CALN1: variants seen among roughly 807,000 people sequenced by gnomAD.
CALN1 encodes the protein calneuron 1.
CALN1 carries 17 observed loss-of-function variants against 30.6 expected under a neutral mutation model. The observed-to-expected ratio is 0.56, with a 90% CI of 0.38 to 0.83. The LOEUF (loss-of-function observed/expected upper bound fraction) is 0.83. Among genes scored for constraint, CALN1 ranks in the 40% least tolerant of loss-of-function variants. The pLI, the probability that CALN1 is intolerant of heterozygous loss-of-function variation, is 0.00. For synonymous variants in CALN1, 156 were observed against 131.4 expected, an observed-to-expected ratio of 1.19 and a Z score of -1.28; for missense variants, 291 against 354.9, an observed-to-expected ratio of 0.82 and a Z score of 1.45.
At chr7:72,163,401 A>AAAC (rs1323715612) in intron 3 of CALN1, among the ~76,000 whole-genome samples, 3 of 151,418 alleles carry the variant, frequency 2.0e-5, no homozygotes, top group Non-Finnish European at 4.4e-5. Flanking sequence ...TTAAAAAAAA[A>AAAC]AAAAAAAAAC....
intron 4 of CALN1, among the ~76,000 whole-genome samples, chr7:72,104,409 T>A (rs1009249509): frequency 6.6e-6 from 1 of 152,116 alleles, no homozygotes; most frequent in African/African-American, 2.4e-5. Context: ...CAACTTTTAT[T>A]TTAAGTTCTG....
chr7:71,987,471 A>C (rs1798734450), intron 5 of CALN1, among the ~76,000 whole-genome samples: 1 of 152,228 alleles, frequency 6.6e-6, no homozygotes, highest in Non-Finnish European at 1.5e-5. Context: ...CATTAGCTTC[A>C]GGGAGGAGAG....
intron 3 of CALN1, among the ~76,000 whole-genome samples, chr7:72,125,841 G>A (rs1178602309): frequency 2.3e-5 from 3 of 129,402 alleles, no homozygotes; most frequent in South Asian, 2.3e-4. Context: ...TTGCCCTGTC[G>A]CCCAGGCTAG....
chr7:72,068,801 T>A (rs1804199341), intron 4 of CALN1, among the ~76,000 whole-genome samples: 1 of 152,312 alleles, frequency 6.6e-6, no homozygotes, highest in South Asian at 2.1e-4. Context: ...GGGCCTCATT[T>A]TGCATATTTT....
intron 2 of CALN1, among the ~76,000 whole-genome samples, chr7:72,308,796 A>C (rs1799841233): frequency 6.6e-6 from 1 of 152,162 alleles, no homozygotes; most frequent in African/African-American, 2.4e-5. Flanking sequence ...CAGAACAATA[A>C]AAACTTGGGT....
chr7:72,462,400 G>T, the CALN1 span, among the ~76,000 whole-genome samples: 3 of 152,096 alleles, frequency 2.0e-5, no homozygotes, highest in African/African-American at 7.2e-5. Context: ...GCCCAGGCTG[G>T]TCTCAAATTC....
chr7:72,384,419 G>A (rs1280052707), intron 2 of CALN1, among the ~76,000 whole-genome samples: 21 of 152,248 alleles, frequency 1.4e-4, no homozygotes, highest in Admixed American at 1.2e-3. Context: ...AAGAAGAGAG[G>A]AAGAAAATGA....
chr7:72,126,277 T>C (rs1808759727), intron 3 of CALN1, among the ~76,000 whole-genome samples: 1 of 152,126 alleles, frequency 6.6e-6, no homozygotes, highest in African/African-American at 2.4e-5. Context: ...TATTCCATGG[T>C]GTATACATAC....
At chr7:72,452,265 A>G in the CALN1 span, among the ~76,000 whole-genome samples, 1 of 152,010 alleles carries the variant, frequency 6.6e-6, no homozygotes, top group Non-Finnish European at 1.5e-5. Flanking sequence ...TCTCATTCCC[A>G]TCTGCAGCAG....
At chr7:72,123,438 A>G (rs1383936855) in intron 3 of CALN1, among the ~76,000 whole-genome samples, 1 of 152,134 alleles carries the variant, frequency 6.6e-6, no homozygotes, top group Non-Finnish European at 1.5e-5. Context: ...AACTCATATC[A>G]ACCTTGTCCT....
intron 5 of CALN1, among the ~76,000 whole-genome samples, chr7:71,836,622 C>CTTT (rs756689224): frequency 1.3e-4 from 17 of 132,616 alleles, no homozygotes; most frequent in African/African-American, 1.4e-4. Flanking sequence ...CTCTCTGTCT[C>CTTT]TTTTTTTTTT....
chr7:72,066,916 G>A (rs775294975), intron 4 of CALN1, among the ~76,000 whole-genome samples: 4 of 151,950 alleles, frequency 2.6e-5, no homozygotes, highest in Non-Finnish European at 5.9e-5. Flanking sequence ...CCAGCAGCTG[G>A]GATTACAGGC....
In CALN1 at chr7:72,197,178, C is replaced by CTTTTTTTTTTTTTTTTTTTTTTTTTTT. The variant is rs386410439; in HGVS notation, c.244+81507_244+81508insAAAAAAAAAAAAAAAAAAAAAAAAAAA. 3.1e-5 allele frequency among the ~76,000 whole-genome samples: 2 copies of CTTTTTTTTTTTTTTTTTTTTTTTTTTT among 64,208 alleles called. 1 individual carries two copies. The highest frequency in any genetic ancestry group is 5.3e-5 in the Non-Finnish European group (2 of 37,606). The allele number at this position is 64,208 out of a possible 152,430, so 42.1% of individuals were successfully genotyped here. On this transcript the variant is annotated intron_variant, in intron 3 of 6. Coordinates refer to ENST00000395275, the MANE Select transcript of CALN1 (RefSeq NM_031468.4). ...TTTTCATTGTCAAATGGAAGGTTTG[C>CTTTTTTTTTTTTTTTTTTTTTTTTTTT]TTTTTTTTTTTTTTTTTTTTTTTTG...
At chr7:72,216,367 A>G (rs1220320703) in intron 3 of CALN1, among the ~76,000 whole-genome samples, 1 of 151,968 alleles carries the variant, frequency 6.6e-6, no homozygotes, top group Non-Finnish European at 1.5e-5. Flanking sequence ...CTGAGCTATG[A>G]TTGTACCACT....
At chr7:72,408,451 A>C (rs141394353) in intron 1 of CALN1, among the ~76,000 whole-genome samples, 20 of 151,940 alleles carry the variant, frequency 1.3e-4, no homozygotes, top group African/African-American at 2.4e-4. Context: ...AAAAAAATTA[A>C]ACACACACAC....
chr7:72,120,336 C>A (rs1416068269), intron 3 of CALN1, among the ~76,000 whole-genome samples: 1 of 152,032 alleles, frequency 6.6e-6, no homozygotes, highest in Non-Finnish European at 1.5e-5. Flanking sequence ...TTTCACTTAA[C>A]ACACTCAATT....
At chr7:72,038,181 GT>G (rs1584799219) in intron 4 of CALN1, among the ~76,000 whole-genome samples, 2 of 151,932 alleles carry the variant, frequency 1.3e-5, no homozygotes, top group East Asian at 3.9e-4. Context: ...CGCAAATTGT[GT>G]GCAAGCTACT....
chr7:72,396,012 G>C (rs989532825), intron 2 of CALN1, among the ~76,000 whole-genome samples: 1 of 151,552 alleles, frequency 6.6e-6, no homozygotes, highest in Non-Finnish European at 1.5e-5. Context: ...GCTTGACATC[G>C]CTCCTTCTGC....
chr7:72,414,601 T>C (rs150868262), upstream of CALN1, among the ~76,000 whole-genome samples: 840 of 152,310 alleles, frequency 5.5e-3, 21 homozygotes, highest in Admixed American at 0.051. Flanking sequence ...TCTGGATAAT[T>C]CAAGCAAATG....
Sources: allele counts gnomAD v4.1 joint callset (sites outside exome capture counted in the v4.1 genomes callset), GRCh38; gene constraint gnomAD v4.1.1; transcripts MANE v1.5; gene names NCBI Gene and HGNC (gene_info 2026-07-23, HGNC 2026-07-21).